The following CTNNA2 variants were observed in gnomAD, a reference collection of about 807,000 sequenced individuals.
The protein encoded by CTNNA2 is catenin alpha-2.
In CTNNA2, 42 loss-of-function variants were observed where a neutral mutation model predicts 101.0. That is an observed-to-expected ratio of 0.42 (90% CI 0.32 to 0.54). The LOEUF (loss-of-function observed/expected upper bound fraction) is 0.54, where lower values mean the gene tolerates loss of function less well. Among genes scored for constraint, CTNNA2 ranks in the 20% least tolerant of loss-of-function variants. The pLI, the probability that CTNNA2 is intolerant of heterozygous loss-of-function variation, is 0.14. For missense variants in CTNNA2, 871 were observed against 1,223.1 expected (o/e 0.71, Z 4.29); for synonymous variants, 450 against 456.4 (o/e 0.99, Z 0.18).
chr2:79,433,638 A>C (rs1002939267), intron 4 of CTNNA2, among the ~76,000 whole-genome samples: 6 of 151,372 alleles, frequency 4.0e-5, no homozygotes, highest in East Asian at 3.9e-4. Flanking sequence ...AAAAAAAAAA[A>C]AAAAAAAAAA....
chr2:80,417,143 T>TA (rs1335228465), intron 8 of CTNNA2, among the ~76,000 whole-genome samples: 1 of 151,866 alleles, frequency 6.6e-6, no homozygotes, highest in African/African-American at 2.4e-5. Flanking sequence ...AATTTTAAAT[T>TA]TTTAATTTTT....
chr2:80,393,041 C>T (rs1382833657), intron 7 of CTNNA2, among the ~76,000 whole-genome samples, 170 bp from the exon 8 acceptor site: 2 of 152,094 alleles, frequency 1.3e-5, no homozygotes, highest in African/African-American at 4.8e-5. Flanking sequence ...ATTATTATTT[C>T]AGGAAAAACC....
intron 9 of CTNNA2, among the ~76,000 whole-genome samples, chr2:80,426,940 C>A (rs1039193159): frequency 1.3e-5 from 2 of 152,020 alleles, no homozygotes; most frequent in East Asian, 1.9e-4. Context: ...CAGTTCCTTA[C>A]GTCTTTCACT....
intron 2 of CTNNA2, among the ~76,000 whole-genome samples, chr2:79,669,849 G>C (rs564987174): frequency 3.9e-5 from 6 of 152,146 alleles, no homozygotes; most frequent in Non-Finnish European, 5.9e-5. Flanking sequence ...GGGAGGAAGT[G>C]CATGCCCATT....
intron 7 of CTNNA2, among the ~76,000 whole-genome samples, chr2:80,263,225 A>G (rs1406480830): frequency 2.0e-5 from 3 of 152,216 alleles, no homozygotes; most frequent in African/African-American, 7.2e-5. Context: ...TATGAGAACA[A>G]TTAAAAATCT....
intron 9 of CTNNA2, among the ~76,000 whole-genome samples, chr2:80,485,408 T>A (rs1251333203): frequency 6.6e-6 from 1 of 152,208 alleles, no homozygotes; most frequent in Non-Finnish European, 1.5e-5. Flanking sequence ...TTTGCATTCC[T>A]AACAATTTGG....
chr2:79,422,569 A>G (rs1678550859), intron 4 of CTNNA2, among the ~76,000 whole-genome samples: 1 of 152,196 alleles, frequency 6.6e-6, no homozygotes, highest in African/African-American at 2.4e-5. Context: ...AAAACAAAGT[A>G]AGTAGCTTAC....
intron 9 of CTNNA2, among the ~76,000 whole-genome samples, chr2:80,455,717 T>C (rs915166138): frequency 6.6e-6 from 1 of 152,106 alleles, no homozygotes; most frequent in African/African-American, 2.4e-5. Flanking sequence ...CGTGCGACCT[T>C]TGAGTTTTAA....
intron 9 of CTNNA2, among the ~76,000 whole-genome samples, chr2:80,449,783 C>A (rs557893076): frequency 1.3e-5 from 2 of 152,258 alleles, no homozygotes; most frequent in South Asian, 4.2e-4. Context: ...GGGCCATGTG[C>A]CTTTCTGTAG....
chr2:79,952,489 C>G (rs928297741), intron 7 of CTNNA2, among the ~76,000 whole-genome samples: 23 of 152,186 alleles, frequency 1.5e-4, no homozygotes, highest in African/African-American at 5.1e-4. Context: ...TGAACACTTT[C>G]AAGGGGTGAA....
intron 7 of CTNNA2, among the ~76,000 whole-genome samples, chr2:80,073,209 G>A (rs1698457881): frequency 6.6e-6 from 1 of 152,126 alleles, no homozygotes; most frequent in African/African-American, 2.4e-5. Context: ...AAAGGATTTG[G>A]GGACTAATCA....
chr2:79,185,445 A>G (rs535280615), intron 1 of CTNNA2: 2 of 152,300 alleles, frequency 1.3e-5, no homozygotes, highest in South Asian at 2.1e-4. Context: ...AGTACTTTAT[A>G]AAGCTAAATT....
intron 18 of CTNNA2, among the ~76,000 whole-genome samples, chr2:80,628,419 T>C (rs1280967372): frequency 2.0e-5 from 3 of 151,310 alleles, no homozygotes; most frequent in Non-Finnish European, 4.4e-5. Flanking sequence ...ACCAGAGATA[T>C]CAACCAATGG....
chr2:80,125,435 T>A (rs1702059496), intron 7 of CTNNA2, among the ~76,000 whole-genome samples: 1 of 152,140 alleles, frequency 6.6e-6, no homozygotes. Flanking sequence ...AGACAGCTCT[T>A]GGATATGGAT....
chr2:80,126,575 G>T (rs904769258), intron 7 of CTNNA2, among the ~76,000 whole-genome samples: 26 of 128,532 alleles, frequency 2.0e-4, no homozygotes, highest in Admixed American at 4.0e-4. Flanking sequence ...ATTCTGCTTT[G>T]CCCTTTCTTT....
At chr2:79,794,928 A>G (rs1397564018) in intron 3 of CTNNA2, among the ~76,000 whole-genome samples, 1 of 152,234 alleles carries the variant, frequency 6.6e-6, no homozygotes, top group Non-Finnish European at 1.5e-5. Flanking sequence ...CCGGAACAGG[A>G]TAGGCACAAC....
At chr2:79,369,290 C>T (rs1289669534) in intron 3 of CTNNA2, among the ~76,000 whole-genome samples, 1 of 152,178 alleles carries the variant, frequency 6.6e-6, no homozygotes. Flanking sequence ...CTTCAGATGT[C>T]AGCAGAGAAC....
At chr2:79,245,540 G>A (rs1674688551) in intron 2 of CTNNA2, among the ~76,000 whole-genome samples, 1 of 152,154 alleles carries the variant, frequency 6.6e-6, no homozygotes, top group African/African-American at 2.4e-5. Context: ...GGATGGGCCT[G>A]GACCCAGACC....
At chr2:79,362,647 C>T (rs1259961372) in intron 3 of CTNNA2, among the ~76,000 whole-genome samples, 2 of 152,122 alleles carry the variant, frequency 1.3e-5, no homozygotes, top group African/African-American at 2.4e-5. Context: ...GGCATGACCA[C>T]GCAATGTAAA....
Sources: gnomAD v4.1 joint callset for allele counts (sites outside exome capture counted in the v4.1 genomes callset) on GRCh38, gnomAD v4.1.1 for gene constraint, MANE v1.5 for transcripts, NCBI Gene and HGNC (gene_info 2026-07-23, HGNC 2026-07-21) for gene names.